DPP6: variants seen among roughly 807,000 people sequenced by gnomAD.
DPP6 encodes A-type potassium channel modulatory protein DPP6.
Under a neutral mutation model 122.6 loss-of-function variants are expected in DPP6, and 69 were observed. The ratio of observed to expected loss-of-function variants is 0.56; its 90% CI spans 0.46 to 0.69. The LOEUF (loss-of-function observed/expected upper bound fraction) is 0.69, where lower values mean the gene tolerates loss of function less well. Ranked by LOEUF, DPP6 falls within the 30% of genes least tolerant of loss-of-function variation. DPP6 has a pLI of 0.00. For synonymous variants in DPP6, 418 were observed against 433.1 expected (o/e 0.97, Z 0.43); for missense variants, 928 against 1,116.9 (o/e 0.83, Z 2.41).
chr7:153,989,192 AGTGG>A (rs1053718258), intron 1 of DPP6, among the ~76,000 whole-genome samples: 13 of 131,124 alleles, frequency 9.9e-5, no homozygotes, highest in South Asian at 9.2e-4. Context: ...TGTGAGTGTG[AGTGG>A]GTGGGTGGGT....
At chr7:154,350,570 T>C (rs73167353) in intron 1 of DPP6, among the ~76,000 whole-genome samples, 2,535 of 152,228 alleles carry the variant, frequency 0.017, 28 homozygotes, top group Non-Finnish European at 0.027. Flanking sequence ...CTAAAGACAT[T>C]TGAAGACGGG....
intron 1 of DPP6, among the ~76,000 whole-genome samples, chr7:154,022,562 C>T (rs180689374): frequency 3.3e-4 from 51 of 152,240 alleles, no homozygotes; most frequent in African/African-American, 1.2e-3. Flanking sequence ...AGATGCATGT[C>T]CCCCTTCCTG....
chr7:153,791,589 T>A, the DPP6 span, among the ~76,000 whole-genome samples: 3 of 152,152 alleles, frequency 2.0e-5, no homozygotes, highest in East Asian at 5.8e-4. Context: ...ATCCAGCTAA[T>A]TTTGTATTTT....
chr7:153,852,296 A>G, the DPP6 span, among the ~76,000 whole-genome samples: 1 of 152,076 alleles, frequency 6.6e-6, no homozygotes, highest in Non-Finnish European at 1.5e-5. Flanking sequence ...AAGAGGTTTA[A>G]TTGTCCCCGA....
intron 1 of DPP6, among the ~76,000 whole-genome samples, chr7:154,184,049 A>G (rs1798231547): frequency 6.6e-6 from 1 of 152,306 alleles, no homozygotes; most frequent in African/African-American, 2.4e-5. Context: ...CTTAGCGGTC[A>G]GCATTTAGCC....
intron 1 of DPP6, among the ~76,000 whole-genome samples, chr7:154,378,399 A>G (rs956845968): frequency 3.3e-5 from 5 of 152,262 alleles, no homozygotes; most frequent in African/African-American, 1.2e-4. Flanking sequence ...ACATTGTCTT[A>G]GCTTTGGCTG....
At chr7:154,547,494 G>A (rs1186871948) in intron 4 of DPP6, among the ~76,000 whole-genome samples, 1 of 152,184 alleles carries the variant, frequency 6.6e-6, no homozygotes, top group South Asian at 2.1e-4. Context: ...CCTCAGACAG[G>A]ACATGGGCCG....
intron 8 of DPP6, among the ~76,000 whole-genome samples, chr7:154,748,225 C>T (rs1587009843): frequency 2.0e-5 from 3 of 152,324 alleles, no homozygotes; most frequent in South Asian, 2.1e-4. Flanking sequence ...TGTTGGGAGT[C>T]GGCTTGCTCC....
chr7:153,848,195 A>G, the DPP6 span, among the ~76,000 whole-genome samples: 2 of 152,088 alleles, frequency 1.3e-5, no homozygotes, highest in Non-Finnish European at 2.9e-5. Flanking sequence ...ATTTAATAAC[A>G]AAGGCTTTGA....
At chr7:154,587,294 C>T (rs1226268473) in intron 5 of DPP6, 3 of 308,528 alleles carry the variant, frequency 9.7e-6, no homozygotes, top group Admixed American at 9.4e-5. Flanking sequence ...CTCATCCTGA[C>T]TTGAGCTAAA....
chr7:154,242,381 AGT>A (rs139152037), intron 1 of DPP6, among the ~76,000 whole-genome samples: 35 of 150,122 alleles, frequency 2.3e-4, no homozygotes, highest in East Asian at 1.2e-3. Context: ...AGAGGCAATG[AGT>A]GTGTGTGTGT....
At chr7:154,872,593 CT>C in intron 18 of DPP6, 30 bp from the exon 19 acceptor site, 5 of 1,577,258 alleles carry the variant, frequency 3.2e-6, no homozygotes, top group Non-Finnish European at 4.3e-6. Context: ...GCATTGCCCC[CT>C]AACCCGTGCT....
intron 1 of DPP6, among the ~76,000 whole-genome samples, chr7:154,207,306 TGTA>T (rs1799502077): frequency 6.6e-6 from 1 of 152,216 alleles, no homozygotes; most frequent in Non-Finnish European, 1.5e-5. Flanking sequence ...TTGGTGTCCA[TGTA>T]GTAAAAAAGT....
At chr7:154,060,884 G>C (rs1330676065) in intron 1 of DPP6, among the ~76,000 whole-genome samples, 21 of 143,982 alleles carry the variant, frequency 1.5e-4, no homozygotes, top group African/African-American at 4.8e-4. Context: ...AGAGTGGGGA[G>C]GCACCCCCCA....
At chr7:154,741,261 G>C (rs980313737) in intron 8 of DPP6, among the ~76,000 whole-genome samples, 7 of 152,214 alleles carry the variant, frequency 4.6e-5, no homozygotes, top group African/African-American at 1.4e-4. Flanking sequence ...ATCATCTGCA[G>C]CCATACAAGC....
intron 1 of DPP6, among the ~76,000 whole-genome samples, chr7:154,127,473 C>A (rs1465182219): frequency 6.6e-6 from 1 of 152,096 alleles, no homozygotes; most frequent in African/African-American, 2.4e-5. Flanking sequence ...TGGAGCTGAG[C>A]TGCTTGCTGT....
chr7:153,839,039 G>A, the DPP6 span, among the ~76,000 whole-genome samples: 1 of 152,132 alleles, frequency 6.6e-6, no homozygotes, highest in African/African-American at 2.4e-5. Flanking sequence ...ATCTAGGGTA[G>A]AGCCTGAGAG....
intron 19 of DPP6, among the ~76,000 whole-genome samples, chr7:154,873,472 C>A (rs962125637): frequency 6.6e-6 from 1 of 152,120 alleles, no homozygotes; most frequent in Non-Finnish European, 1.5e-5. Context: ...TGAAGCGAGG[C>A]CTATGCTGGG....
chr7:154,242,032 G>A (rs1801653349), intron 1 of DPP6, among the ~76,000 whole-genome samples: 1 of 152,176 alleles, frequency 6.6e-6, no homozygotes, highest in Admixed American at 6.5e-5. Flanking sequence ...CTGTTCATAG[G>A]TTCAGAAGTC....
Sources: allele counts gnomAD v4.1 joint callset (sites outside exome capture counted in the v4.1 genomes callset), GRCh38; gene constraint gnomAD v4.1.1; transcripts MANE v1.5; gene names NCBI Gene and HGNC (gene_info 2026-07-23, HGNC 2026-07-21).